The following GARRE1 variants were observed in gnomAD, a reference collection of about 807,000 sequenced individuals.
GARRE1 encodes granule associated Rac and RHOG effector protein 1.
Under a neutral mutation model 103.2 loss-of-function variants are expected in GARRE1, and 49 were observed. The ratio of observed to expected loss-of-function variants is 0.47; its 90% confidence interval spans 0.38 to 0.60. The LOEUF (loss-of-function observed/expected upper bound fraction) is 0.60. Ranked by LOEUF, GARRE1 falls within the 20% of genes least tolerant of loss-of-function variation. GARRE1 has a pLI of 0.00. For missense variants in GARRE1, 1,199 were observed against 1,370.5 expected (o/e 0.87, Z 1.98); for synonymous variants, 505 against 532.8 (o/e 0.95, Z 0.72).
intron 2 of GARRE1, among the ~76,000 whole-genome samples, chr19:34,302,518 T>C (rs989455410): frequency 4.6e-5 from 7 of 151,854 alleles, no homozygotes; most frequent in African/African-American, 1.5e-4. Context: ...GGTCTCGAAC[T>C]CCTAACCTCA....
At chr19:34,273,980 C>T (rs2073802568) in intron 1 of GARRE1, among the ~76,000 whole-genome samples, 1 of 152,088 alleles carries the variant, frequency 6.6e-6, no homozygotes, top group African/African-American at 2.4e-5. Flanking sequence ...AGTCACACAG[C>T]ATCCAGAGGG....
At position 34,263,049 on chromosome 19, in the gene GARRE1, C is replaced by T. The variant is rs10410474; in HGVS notation, c.-796+8435C>T. Among the ~76,000 whole-genome samples, 7 of 151,892 alleles carry T rather than the reference C, an allele frequency of 4.6e-5. No homozygotes were observed. In the East Asian group the frequency reaches 1.4e-3, roughly 30 times the overall value. On this transcript the variant is annotated intron_variant, in intron 1 of 13. Coordinates refer to ENST00000299505, the MANE Select transcript of GARRE1 (RefSeq NM_014686.5). The stretch of plus-strand genomic sequence containing the variant: ...ACAACATGGTGAAACCCCACCTCTA[C>T]TAAAAATACAAAAATTAACTGGGCA...
intron 1 of GARRE1, among the ~76,000 whole-genome samples, chr19:34,269,505 A>G (rs908829381): frequency 1.3e-5 from 2 of 152,084 alleles, no homozygotes; most frequent in Non-Finnish European, 2.9e-5. Flanking sequence ...GATTTTGTCA[A>G]CCAATCAATT....
At chr19:34,351,460 G>T in intron 12 of GARRE1, 54 bp from the exon 13 acceptor site, 1 of 1,373,328 alleles carries the variant, frequency 7.3e-7, no homozygotes, top group Non-Finnish European at 1.0e-6. Flanking sequence ...TACCCTACAG[G>T]TGGGCTGGGC....
intron 1 of GARRE1, among the ~76,000 whole-genome samples, chr19:34,261,116 G>A (rs1336872631): frequency 6.6e-6 from 1 of 152,188 alleles, no homozygotes; most frequent in Non-Finnish European, 1.5e-5. Context: ...TGTCCTCCCA[G>A]TACCATCTGA....
intron 7 of GARRE1, among the ~76,000 whole-genome samples, chr19:34,333,063 T>G (rs1018105086): frequency 1.3e-5 from 2 of 152,178 alleles, no homozygotes; most frequent in Non-Finnish European, 2.9e-5. Flanking sequence ...GTTTGTTTGT[T>G]TGAGATGGAG....
chr19:34,343,699 T>C (rs1011776510), intron 10 of GARRE1, among the ~76,000 whole-genome samples: 3 of 151,882 alleles, frequency 2.0e-5, no homozygotes, highest in African/African-American at 4.8e-5. Context: ...AATAAAAAAT[T>C]AGCTGGGTGT....
At chr19:34,305,867 CT>C (rs1291602734) in intron 2 of GARRE1, among the ~76,000 whole-genome samples, 1 of 152,176 alleles carries the variant, frequency 6.6e-6, no homozygotes, top group Non-Finnish European at 1.5e-5. Context: ...ACATAATGGG[CT>C]GAACAGGCTT....
At chr19:34,352,085 G>A (rs959096111) in intron 13 of GARRE1, among the ~76,000 whole-genome samples, 1 of 151,904 alleles carries the variant, frequency 6.6e-6, no homozygotes, top group East Asian at 1.9e-4. Flanking sequence ...GTGACAGAGC[G>A]AGACTGCCTC....
intron 2 of GARRE1, among the ~76,000 whole-genome samples, chr19:34,302,292 GTTT>G (rs397786603): frequency 1.1e-5 from 1 of 92,040 alleles, no homozygotes; most frequent in Admixed American, 1.7e-4. Flanking sequence ...GCGCCCAGCC[GTTT>G]TTTTTTTTTT....
At chr19:34,292,515 G>C (rs1030237018) in intron 1 of GARRE1, among the ~76,000 whole-genome samples, 2 of 152,106 alleles carry the variant, frequency 1.3e-5, no homozygotes, top group Non-Finnish European at 1.5e-5. Context: ...TGGGTTATGT[G>C]GTAACACTAT....
In GARRE1 at chr19:34,321,756, G is replaced by T. The variant is rs147009827; in HGVS notation, c.705+1640G>T. ...CTCTGAAAGTGCTGGGATTACAGGC[G>T]TGAGCCACTGCACTGGGCCAACATG... On this transcript the variant is annotated intron_variant, in intron 3 of 13. Coordinates refer to ENST00000299505, the MANE Select transcript of GARRE1 (RefSeq NM_014686.5). Among the ~76,000 whole-genome samples, 5 of 152,336 alleles carry T rather than the reference G, an allele frequency of 3.3e-5. No homozygotes were observed. The South Asian group carries it at 1.0e-3, about 32-fold the overall frequency.
chr19:34,352,975 C>T lies in GARRE1; in HGVS notation c.*20C>T, dbSNP rs1423511252. 2.2e-5 allele frequency: 13 copies of T among 597,438 alleles called. No individual in the cohort carries two copies. The highest frequency in any genetic ancestry group is 2.4e-5 in the Non-Finnish European group (12 of 507,030). The allele number at this position is 597,438 out of a possible 1,614,324, so 37.0% of individuals were successfully genotyped here. Reference sequence around the variant, plus strand: ...TACTGACCCCAGGCCAGCCAGCCTGCCTGCCTGCCTGCCTGCCCGCCCAGA... The same window carrying T: ...TACTGACCCCAGGCCAGCCAGCCTGTCTGCCTGCCTGCCTGCCCGCCCAGA... On this transcript the variant is annotated 3_prime_UTR_variant, in exon 14 of 14. Transcript: ENST00000299505.
chr19:34,306,725 TAAATA>T (rs2074008871), intron 2 of GARRE1, among the ~76,000 whole-genome samples: 1 of 152,172 alleles, frequency 6.6e-6, no homozygotes, highest in South Asian at 2.1e-4. Context: ...ATCTATCACT[TAAATA>T]AAATTACTTT....
At chr19:34,347,324 T>G (rs1451121931) in intron 10 of GARRE1, among the ~76,000 whole-genome samples, 2 of 150,654 alleles carry the variant, frequency 1.3e-5, no homozygotes, top group Non-Finnish European at 3.0e-5. Flanking sequence ...ACTCTTGACC[T>G]CGTGATCCAC....
chr19:34,327,935 G>GTT, intron 5 of GARRE1, 55 bp from the exon 6 acceptor site: 4 of 1,613,784 alleles, frequency 2.5e-6, no homozygotes, highest in Non-Finnish European at 3.4e-6. Context: ...TGAACCAAGT[G>GTT]TTTTGACAGA....
Position 34,321,266 on chromosome 19 carries a change from CAG to C in GARRE1, c.705+1151_705+1152del, listed in dbSNP as rs1375652398. ...TTTTTTTTTGTATTTTTAGTAGAGA[CAG>C]GGTTTCATCGTGTTAGCCAGGGTGG... On this transcript the variant is annotated intron_variant, in intron 3 of 13. Coordinates refer to ENST00000299505, the MANE Select transcript of GARRE1 (RefSeq NM_014686.5). Among the ~76,000 whole-genome samples, 126 of 110,532 alleles carry C rather than the reference CAG, an allele frequency of 1.1e-3. 1 individual carries two copies. In the South Asian group the frequency reaches 0.017, roughly 15 times the overall value. 72.5% of individuals were successfully genotyped at this position (110,532 alleles called of 152,430 possible). A position where few individuals can be genotyped will look rare whatever the true frequency, so the allele number is the denominator to read the frequency against.
Position 34,300,400 on chromosome 19 carries a change from C to A in GARRE1, c.-74C>A. ...TTGCAGAACTCCACTATTTTTATAC[C>A]TAGCTACAGTTTTGAGAAAGAAGAA... On this transcript the variant is annotated 5_prime_UTR_variant, in exon 2 of 14. Transcript: ENST00000299505. The A allele has an allele frequency of 6.7e-7, 1 of 1,483,178 alleles. No homozygotes were observed. Among genetic ancestry groups the A allele is most frequent in the South Asian group, 1.4e-5 (1 of 71,308 alleles). The allele number at this position is 1,483,178 out of a possible 1,614,324, so 91.9% of individuals were successfully genotyped here.
At chr19:34,256,844 C>A (rs1350927236) in intron 1 of GARRE1, among the ~76,000 whole-genome samples, 2 of 152,076 alleles carry the variant, frequency 1.3e-5, no homozygotes, top group Non-Finnish European at 2.9e-5. Flanking sequence ...AAAAAGAAAT[C>A]ATTTTCCAAT....
Sources: gnomAD v4.1 joint callset for allele counts (sites outside exome capture counted in the v4.1 genomes callset) on GRCh38, gnomAD v4.1.1 for gene constraint, MANE v1.5 for transcripts, NCBI Gene and HGNC (gene_info 2026-07-23, HGNC 2026-07-21) for gene names.